Variants in FAR2 observed in about 807,000 individuals in gnomAD.
The protein encoded by FAR2 is fatty acyl-CoA reductase 2, also known as epididymis secretory protein Li 81.
FAR2 carries 19 observed loss-of-function variants against 56.0 expected under a neutral mutation model. The ratio of observed to expected loss-of-function variants is 0.34; its 90% CI spans 0.24 to 0.50. FAR2 has a LOEUF of 0.50. Ranked by LOEUF, FAR2 falls within the 20% of genes least tolerant of loss-of-function variation. The probability of loss-of-function intolerance (pLI) is 0.98; values close to 1 mark genes in which losing one functional copy is unlikely to be tolerated. For synonymous variants in FAR2, 219 were observed against 218.8 expected, an observed-to-expected ratio of 1.00 and a Z score of -0.01; for missense variants, 508 against 642.2, an observed-to-expected ratio of 0.79 and a Z score of 2.26.
At chr12:29,255,011 A>C (rs1948295238) in intron 1 of FAR2, among the ~76,000 whole-genome samples, 1 of 152,026 alleles carries the variant, frequency 6.6e-6, no homozygotes, top group Non-Finnish European at 1.5e-5. Context: ...ATTGTGATGC[A>C]TTATTTGACT....
intron 1 of FAR2, chr12:29,156,967 G>A (rs1282132515): frequency 2.0e-5 from 3 of 151,652 alleles, no homozygotes; most frequent in Admixed American, 2.0e-4. Flanking sequence ...TTGGATTATG[G>A]GTCTCATTGC....
At chr12:29,302,760 G>A (rs1949197219) in intron 4 of FAR2, among the ~76,000 whole-genome samples, 1 of 152,106 alleles carries the variant, frequency 6.6e-6, no homozygotes, top group Admixed American at 6.5e-5. Context: ...ATATAGCCAG[G>A]GGCCGGGGGA....
At chr12:29,282,144 T>C (rs2136727322) in intron 2 of FAR2, 1 of 152,208 alleles carries the variant, frequency 6.6e-6, no homozygotes, top group South Asian at 2.1e-4. Context: ...AAATAAAGTA[T>C]AAAATGAGGT....
intron 11 of FAR2, 69 bp downstream of exon 11, chr12:29,332,796 A>T: frequency 7.1e-7 from 1 of 1,405,682 alleles, no homozygotes; most frequent in Non-Finnish European, 9.9e-7. Context: ...CAGACATAAC[A>T]TTTGTGCAGA....
chr12:29,273,597 C>T (rs1948655232), intron 2 of FAR2, among the ~76,000 whole-genome samples: 1 of 152,178 alleles, frequency 6.6e-6, no homozygotes, highest in Non-Finnish European at 1.5e-5. Context: ...AGGCAGTTGC[C>T]AGTCCCAGTG....
At chr12:29,256,651 G>T (rs867392667) in intron 1 of FAR2, among the ~76,000 whole-genome samples, 4 of 152,232 alleles carry the variant, frequency 2.6e-5, no homozygotes, top group African/African-American at 7.2e-5. Flanking sequence ...AGGGAGAGGC[G>T]CGGGCGGGAA....
At chr12:29,324,644 AAAC>A (rs1341246442) in intron 10 of FAR2, among the ~76,000 whole-genome samples, 1 of 152,166 alleles carries the variant, frequency 6.6e-6, no homozygotes, top group Non-Finnish European at 1.5e-5. Context: ...ATATCCAGCC[AAAC>A]TAAGCTTCAT....
chr12:29,246,893 G>A (rs930599136), intron 1 of FAR2, among the ~76,000 whole-genome samples: 1 of 149,520 alleles, frequency 6.7e-6, no homozygotes, highest in African/African-American at 2.5e-5. Flanking sequence ...AAGTTCCTAT[G>A]GAGACAATTT....
intron 1 of FAR2, among the ~76,000 whole-genome samples, chr12:29,170,969 G>C (rs1480233704): frequency 2.0e-5 from 3 of 152,202 alleles, no homozygotes; most frequent in African/African-American, 4.8e-5. Flanking sequence ...CAGAGGTTAG[G>C]AACTCCCTTT....
Position 29,334,895 on chromosome 12 carries a change from A to G in FAR2, c.*1101A>G, listed in dbSNP as rs1224724764. 3 of 152,186 alleles carry G rather than the reference A, an allele frequency of 2.0e-5. No homozygotes were observed. The highest frequency in any genetic ancestry group is 4.4e-5 in the Non-Finnish European group (3 of 68,010). 9.4% of individuals were successfully genotyped at this position (152,186 alleles called of 1,614,324 possible). A position where few individuals can be genotyped will look rare whatever the true frequency, so the allele number is the denominator to read the frequency against. On this transcript the variant is annotated 3_prime_UTR_variant, in exon 12 of 12. Transcript: ENST00000536681. ...TAGAAAATAGGTTTTGTTTTCTTAA[A>G]AAATTTTGTGTATAATACAAACTAA... is the stretch of plus-strand genomic sequence containing the variant.
chr12:29,203,800 C>A lies in FAR2; in HGVS notation c.-39+54393C>A, dbSNP rs1947444008. Among the ~76,000 whole-genome samples the A allele has an allele frequency of 3.3e-5, 5 of 151,694 alleles. No individual in the cohort carries two copies. In the South Asian group the frequency reaches 1.0e-3, roughly 31 times the overall value. ...GGATCACGAGGTCAGGAGATCGAGA[C>A]CATCCTGGCTAACACAGTGAAACCC... On this transcript the variant is annotated intron_variant, in intron 1 of 11. Coordinates refer to ENST00000536681, the MANE Select transcript of FAR2 (RefSeq NM_001271783.2).
chr12:29,308,198 A>G (rs2136783491), intron 5 of FAR2, among the ~76,000 whole-genome samples: 1 of 152,324 alleles, frequency 6.6e-6, no homozygotes, highest in East Asian at 1.9e-4. Context: ...CTGCCAGGGT[A>G]AACAAGAGTT....
intron 3 of FAR2, among the ~76,000 whole-genome samples, chr12:29,294,630 G>A (rs1411619589): frequency 6.6e-6 from 1 of 152,220 alleles, no homozygotes; most frequent in Non-Finnish European, 1.5e-5. Context: ...GATTACAGGC[G>A]TGAGCCACTG....
intron 10 of FAR2, among the ~76,000 whole-genome samples, chr12:29,324,936 T>C (rs561485837): frequency 6.6e-6 from 1 of 152,154 alleles, no homozygotes; most frequent in Non-Finnish European, 1.5e-5. Flanking sequence ...AATGCTCCAA[T>C]TAAAAGGCAC....
At chr12:29,245,525 A>T (rs1450940160) in intron 1 of FAR2, among the ~76,000 whole-genome samples, 1 of 152,116 alleles carries the variant, frequency 6.6e-6, no homozygotes, top group Non-Finnish European at 1.5e-5. Flanking sequence ...AACTTCCCAG[A>T]TGGTTCTTTC....
chr12:29,225,970 TAG>T (rs1236927962), intron 1 of FAR2, among the ~76,000 whole-genome samples: 2 of 152,212 alleles, frequency 1.3e-5, no homozygotes, highest in Admixed American at 1.3e-4. Flanking sequence ...GCTCTGGAGA[TAG>T]AGATCCTGGG....
intron 1 of FAR2, among the ~76,000 whole-genome samples, chr12:29,181,411 C>A (rs1445511979): frequency 6.6e-6 from 1 of 152,136 alleles, no homozygotes; most frequent in Non-Finnish European, 1.5e-5. Flanking sequence ...AAAATAGACT[C>A]CTAGCTCAAA....
At chr12:29,261,000 C>G (rs1948408736) in intron 1 of FAR2, among the ~76,000 whole-genome samples, 1 of 152,188 alleles carries the variant, frequency 6.6e-6, no homozygotes, top group Non-Finnish European at 1.5e-5. Context: ...CTAGGTCCCT[C>G]TGAATACTTG....
intron 1 of FAR2, among the ~76,000 whole-genome samples, chr12:29,269,831 A>G (rs6487796): frequency 0.33 from 49,585 of 152,130 alleles, 8,312 homozygotes; most frequent in Non-Finnish European, 0.37. Context: ...ATAATTTTAA[A>G]AAACCTGATA....
Sources: allele counts gnomAD v4.1 joint callset (sites outside exome capture counted in the v4.1 genomes callset), GRCh38; gene constraint gnomAD v4.1.1; transcripts MANE v1.5; gene names NCBI Gene and HGNC (gene_info 2026-07-23, HGNC 2026-07-21).